The following PELI2 variants were observed in gnomAD, a reference collection of about 807,000 sequenced individuals.
The protein encoded by PELI2 is pellino E3 ubiquitin protein ligase family member 2.
In PELI2, 23 loss-of-function variants were observed where a neutral mutation model predicts 42.3. The ratio of observed to expected loss-of-function variants is 0.54; its 90% CI spans 0.39 to 0.77. PELI2 has a LOEUF of 0.77. Ranked by LOEUF, PELI2 falls within the 30% of genes least tolerant of loss-of-function variation. The probability of loss-of-function intolerance (pLI) is 0.00; values close to 1 mark genes in which losing one functional copy is unlikely to be tolerated. For missense variants in PELI2, 463 were observed against 553.2 expected (o/e 0.84, Z 1.64); for synonymous variants, 245 against 212.2 (o/e 1.15, Z -1.34).
intron 2 of PELI2, among the ~76,000 whole-genome samples, chr14:56,218,543 T>A (rs192016651): frequency 1.3e-5 from 2 of 152,344 alleles, no homozygotes; most frequent in Non-Finnish European, 2.9e-5. Flanking sequence ...TGTGCGAGAT[T>A]TTAAGGTTAA....
chr14:56,157,973 A>T (rs1884626632), intron 1 of PELI2, among the ~76,000 whole-genome samples: 1 of 152,148 alleles, frequency 6.6e-6, no homozygotes, highest in African/African-American at 2.4e-5. Flanking sequence ...GAAATGTTAG[A>T]TGATAGGGCC....
At chr14:56,173,781 G>A (rs1447421005) in intron 1 of PELI2, among the ~76,000 whole-genome samples, 1 of 152,128 alleles carries the variant, frequency 6.6e-6, no homozygotes, top group Non-Finnish European at 1.5e-5. Flanking sequence ...AAAATCACTT[G>A]CCATTGGATT....
intron 2 of PELI2, among the ~76,000 whole-genome samples, chr14:56,236,783 C>A (rs7159737): frequency 0.4 from 61,230 of 151,846 alleles, 13,065 homozygotes; most frequent in South Asian, 0.53. Context: ...GTTTTTTGGA[C>A]CTCAAGTTAT....
In PELI2 at chr14:56,297,825, A is replaced by G. The variant is rs1171998152; in HGVS notation, c.*659A>G. The G allele has an allele frequency of 1.3e-5, 2 of 151,516 alleles. No individual in the cohort carries two copies. Among genetic ancestry groups the G allele is most frequent in the South Asian group, 2.1e-4 (1 of 4,806 alleles). 9.4% of individuals were successfully genotyped at this position (151,516 alleles called of 1,614,324 possible). On this transcript the variant is annotated 3_prime_UTR_variant, in exon 6 of 6. Transcript: ENST00000267460. ...CTTTAGATATTCATTCATCAAATAC[A>G]TGGGACTTCACAAACAATTTTCCAT...
At chr14:56,255,566 T>C (rs1057281104) in intron 2 of PELI2, among the ~76,000 whole-genome samples, 1 of 152,120 alleles carries the variant, frequency 6.6e-6, no homozygotes, top group Non-Finnish European at 1.5e-5. Context: ...CAAACCACCA[T>C]AGCACATGTA....
At chr14:56,171,463 A>G (rs144919425) in intron 1 of PELI2, among the ~76,000 whole-genome samples, 1 of 152,292 alleles carries the variant, frequency 6.6e-6, no homozygotes, top group African/African-American at 2.4e-5. Context: ...TTTATAAATT[A>G]CTGAGTCTCA....
intron 2 of PELI2, among the ~76,000 whole-genome samples, chr14:56,203,056 T>C (rs2139710740): frequency 6.6e-6 from 1 of 152,244 alleles, no homozygotes; most frequent in Admixed American, 6.5e-5. Context: ...AAATATGGAG[T>C]AATTATTGCA....
intron 2 of PELI2, among the ~76,000 whole-genome samples, chr14:56,182,365 A>G (rs944497118): frequency 6.6e-6 from 1 of 152,206 alleles, no homozygotes; most frequent in Non-Finnish European, 1.5e-5. Context: ...TTACTTTTTT[A>G]TGATATGGGA....
intron 1 of PELI2, among the ~76,000 whole-genome samples, chr14:56,164,345 T>C (rs1389178529): frequency 7.2e-5 from 11 of 152,170 alleles, no homozygotes; most frequent in Admixed American, 7.2e-4. Flanking sequence ...ATCATATTGA[T>C]TGATTTGCAT....
At chr14:56,166,991 A>G (rs1884987976) in intron 1 of PELI2, among the ~76,000 whole-genome samples, 1 of 151,866 alleles carries the variant, frequency 6.6e-6, no homozygotes, top group South Asian at 2.1e-4. Context: ...GCATTTCACC[A>G]TGTTAGCCAG....
intron 1 of PELI2, among the ~76,000 whole-genome samples, chr14:56,146,659 G>A (rs978271369): frequency 6.6e-6 from 1 of 152,182 alleles, no homozygotes; most frequent in African/African-American, 2.4e-5. Flanking sequence ...TGTACTATTG[G>A]AATATAGTAC....
chr14:56,271,708 T>C (rs1369881356), intron 2 of PELI2, among the ~76,000 whole-genome samples: 2 of 152,202 alleles, frequency 1.3e-5, no homozygotes, highest in African/African-American at 4.8e-5. Context: ...GTACATTACG[T>C]TTCTTGGTAG....
intron 1 of PELI2, among the ~76,000 whole-genome samples, chr14:56,131,833 G>A (rs914200665): frequency 1.3e-5 from 2 of 152,120 alleles, no homozygotes; most frequent in African/African-American, 4.8e-5. Context: ...TACAGACTTG[G>A]TGTTGTATAA....
At position 56,296,614 on chromosome 14, in the gene PELI2, C is replaced by T. The variant is rs1299411548; in HGVS notation, c.711C>T (p.Thr237=). ...ACTTGTTGTAGGTGGAAAGTGAGAC[C>T]AACGTCCTGCAGGACGGCTCCCTCA... The part of the protein sequence containing the change: ...QQRGKLVESE[T]NVLQDGSLID... Residue 237 remains threonine (T), a synonymous_variant, in exon 6 of 6, where the codon ACC becomes ACT. Coordinates refer to ENST00000267460, the MANE Select transcript of PELI2 (RefSeq NM_021255.3). 1.3e-6 allele frequency: 2 copies of T among 1,598,866 alleles called. No homozygotes were observed.
At chr14:56,235,683 C>T (rs1272202969) in intron 2 of PELI2, among the ~76,000 whole-genome samples, 1 of 152,204 alleles carries the variant, frequency 6.6e-6, no homozygotes, top group Non-Finnish European at 1.5e-5. Context: ...GTGTTTATGG[C>T]AAATCCGTAT....
At chr14:56,230,413 C>T (rs1050881622) in intron 2 of PELI2, among the ~76,000 whole-genome samples, 19 of 152,246 alleles carry the variant, frequency 1.2e-4, no homozygotes, top group African/African-American at 4.6e-4. Flanking sequence ...CGGCAGAAAC[C>T]CTACAAGCCA....
At chr14:56,271,016 T>G (rs1889086238) in intron 2 of PELI2, among the ~76,000 whole-genome samples, 1 of 152,206 alleles carries the variant, frequency 6.6e-6, no homozygotes, top group South Asian at 2.1e-4. Flanking sequence ...TGCCCGATGT[T>G]TAAGCATTTG....
chr14:56,168,494 G>A (rs561291085), intron 1 of PELI2, among the ~76,000 whole-genome samples: 1 of 152,142 alleles, frequency 6.6e-6, no homozygotes, highest in Non-Finnish European at 1.5e-5. Context: ...TACTGCCAAT[G>A]TTCCCTTACG....
chr14:56,266,347 C>A (rs893114426), intron 2 of PELI2, among the ~76,000 whole-genome samples: 1 of 151,906 alleles, frequency 6.6e-6, no homozygotes, highest in African/African-American at 2.4e-5. Context: ...GGAAGATTTG[C>A]AACTCATATC....
Sources: gnomAD v4.1 joint callset for allele counts (sites outside exome capture counted in the v4.1 genomes callset) on GRCh38, gnomAD v4.1.1 for gene constraint, MANE v1.5 for transcripts, NCBI Gene and HGNC (gene_info 2026-07-23, HGNC 2026-07-21) for gene names.